COP1: variants seen among roughly 807,000 people sequenced by gnomAD.
COP1 encodes E3 ubiquitin-protein ligase COP1.
A neutral mutation model predicts 101.3 loss-of-function variants in COP1; 24 were observed. That is an observed-to-expected ratio of 0.24 (90% CI 0.17 to 0.33). The LOEUF (loss-of-function observed/expected upper bound fraction) is 0.33, where lower values mean the gene tolerates loss of function less well. COP1 is among the 10% of genes least tolerant of loss of function. The pLI is 1.00. For missense variants in COP1, 663 were observed against 906.2 expected, an observed-to-expected ratio of 0.73 and a Z score of 3.45; for synonymous variants, 347 against 341.9, an observed-to-expected ratio of 1.01 and a Z score of -0.17.
chr1:175,978,195 C>T (rs1655012043), intron 18 of COP1, among the ~76,000 whole-genome samples: 1 of 151,988 alleles, frequency 6.6e-6, no homozygotes, highest in African/African-American at 2.4e-5. Context: ...TTCTATGCTT[C>T]AAGATTGGCA....
chr1:176,164,561 T>C (rs760411477), intron 3 of COP1, among the ~76,000 whole-genome samples: 2 of 152,076 alleles, frequency 1.3e-5, no homozygotes, highest in South Asian at 2.1e-4. Context: ...AAGGAAAGGA[T>C]AGGAGAAAAA....
intron 18 of COP1, among the ~76,000 whole-genome samples, chr1:175,956,315 T>C (rs1650645874): frequency 6.6e-6 from 1 of 152,098 alleles, no homozygotes; most frequent in Non-Finnish European, 1.5e-5. Flanking sequence ...CTAAAACAAC[T>C]GTATATACAG....
chr1:176,084,204 GGCTACTTTCAACTTAACAACTCCCAAAGT>G (rs1679698359), intron 10 of COP1, among the ~76,000 whole-genome samples: 1 of 152,060 alleles, frequency 6.6e-6, no homozygotes, highest in African/African-American at 2.4e-5. Context: ...GCAGGTATTG[GGCTACTTTCAACTTAACAACTCCCAAAGT>G]GCTGGGATTA....
rs199939407 is a variant in COP1, at chr1:175,968,482, T to A, written c.2133+18461A>T. On this transcript the variant is annotated intron_variant, in intron 18 of 19. Coordinates refer to ENST00000367669, the MANE Select transcript of COP1 (RefSeq NM_022457.7). Reference sequence around the variant, plus strand: ...ATATATTTATGTAGGATCGCTGCAATCTGTAGACAAAAGGCATTTTTTCAT... The same window carrying A: ...ATATATTTATGTAGGATCGCTGCAAACTGTAGACAAAAGGCATTTTTTCAT... 712 of 519,132 alleles carry A rather than the reference T, an allele frequency of 1.4e-3. 20 individuals are homozygous for A. Among genetic ancestry groups the A allele is most frequent in the South Asian group, 9.1e-3 (654 of 71,558 alleles). 32.2% of individuals were successfully genotyped at this position (519,132 alleles called of 1,614,324 possible).
chr1:176,053,454 TA>T (rs2149249073), intron 11 of COP1, among the ~76,000 whole-genome samples: 1 of 152,316 alleles, frequency 6.6e-6, no homozygotes, highest in Non-Finnish European at 1.5e-5. Flanking sequence ...GTCATTTTCT[TA>T]AAAATTATTC....
At chr1:176,120,351 C>T (rs1473018547) in intron 8 of COP1, among the ~76,000 whole-genome samples, 5 of 149,406 alleles carry the variant, frequency 3.3e-5, no homozygotes, top group East Asian at 2.0e-4. Flanking sequence ...ACCCAGGAGG[C>T]GGAGGTTGCA....
At chr1:176,019,531 A>T (rs1666335716) in intron 15 of COP1, among the ~76,000 whole-genome samples, 1 of 148,456 alleles carries the variant, frequency 6.7e-6, no homozygotes, top group African/African-American at 2.5e-5. Flanking sequence ...CATCACTACT[A>T]CTACCACCAA....
intron 8 of COP1, among the ~76,000 whole-genome samples, chr1:176,127,825 C>A (rs1474992401): frequency 6.6e-6 from 1 of 151,982 alleles, no homozygotes; most frequent in African/African-American, 2.4e-5. Flanking sequence ...TCCATAATGT[C>A]TTCCAATGTA....
At chr1:176,102,377 T>G (rs1683569467) in intron 9 of COP1, among the ~76,000 whole-genome samples, 1 of 152,166 alleles carries the variant, frequency 6.6e-6, no homozygotes, top group Non-Finnish European at 1.5e-5. Context: ...GGAGAAAGTT[T>G]TGCAACAATA....
At chr1:175,950,564 G>A (rs1649759480) in intron 18 of COP1, among the ~76,000 whole-genome samples, 1 of 152,094 alleles carries the variant, frequency 6.6e-6, no homozygotes, top group Non-Finnish European at 1.5e-5. Context: ...GTCTGCTAGG[G>A]CCTACTATAA....
At position 175,951,207 on chromosome 1, in the gene COP1, C is replaced by T. The variant is rs142887536; in HGVS notation, c.2134-3968G>A. ...GAGGCTATGGTGAGCCAAGATCATG[C>T]CACTGCACTACAGCCTGGCCAACAA... is the stretch of plus-strand genomic sequence containing the variant. On this transcript the variant is annotated intron_variant, in intron 18 of 19. Transcript: ENST00000367669. Among the ~76,000 whole-genome samples the T allele has an allele frequency of 8.4e-3, 1,277 of 151,950 alleles. 14 individuals are homozygous for T. Among genetic ancestry groups the T allele is most frequent in the Non-Finnish European group, 0.016 (1,058 of 67,956 alleles).
At chr1:175,992,400 G>C (rs1658791646) in intron 15 of COP1, among the ~76,000 whole-genome samples, 1 of 152,206 alleles carries the variant, frequency 6.6e-6, no homozygotes, top group Admixed American at 6.5e-5. Context: ...GGGTGCAGGA[G>C]AGTGGGTGCA....
In COP1 at chr1:175,989,445, A is replaced by C; in HGVS notation, c.1764T>G (p.Thr588=). The change falls in exon 16 of 20, where the codon ACT becomes ACG. Residue 588 remains threonine, a synonymous_variant. Transcript: ENST00000367669. ...HCVHYYDLRN[T]KQPIMVFKGH... ...CTTTGAATACCATGATTGGCTGTTT[A>C]GTGTTACGAAGATCATAGTAGTGGA... 2 of 1,604,978 alleles carry C rather than the reference A, an allele frequency of 1.2e-6. No individual in the cohort carries two copies. The highest frequency in any genetic ancestry group is 1.7e-6 in the Non-Finnish European group (2 of 1,171,684).
chr1:176,206,816 C>A lies in COP1; in HGVS notation c.163G>T (p.Ala55Ser). The A allele has an allele frequency of 7.2e-7, 1 of 1,389,946 alleles. No individual in the cohort carries two copies. Among genetic ancestry groups the A allele is most frequent in the Admixed American group, 3.6e-5 (1 of 27,836 alleles). The allele number at this position is 1,389,946 out of a possible 1,614,324, so 86.1% of individuals were successfully genotyped here. ...AALVSGGVAQ[A>S]AGSGGLGGPV... ...CCCCCGAGGCCGCCCGAGCCGGCGG[C>A]CTGGGCCACCCCGCCGGACACCAGC... Residue 55 changes from alanine to serine, a missense_variant, in exon 1 of 20, where the codon GCC becomes TCC. By Grantham distance (99) the Ala-to-Ser change is moderately conservative. Around this residue, in one of 4 missense-constraint regions of COP1, gnomAD observed 204 missense variants for 203.6 expected, o/e 1.00. Transcript: ENST00000367669.
chr1:176,163,116 C>A, intron 4 of COP1, 128 bp from the exon 5 acceptor site: 1 of 863,182 alleles, frequency 1.2e-6, no homozygotes, highest in Non-Finnish European at 1.6e-6. Context: ...TATAATGTTC[C>A]AAACTACCCC....
chr1:176,017,856 C>T (rs928352171), intron 15 of COP1, among the ~76,000 whole-genome samples: 3 of 152,120 alleles, frequency 2.0e-5, no homozygotes, highest in Admixed American at 6.5e-5. Flanking sequence ...ATACTTAAAC[C>T]ATTTTTTACT....
chr1:176,115,342 C>T (rs188214555), intron 9 of COP1, among the ~76,000 whole-genome samples: 136 of 152,150 alleles, frequency 8.9e-4, no homozygotes, highest in African/African-American at 3.0e-3. Context: ...CCCAGCCACT[C>T]GGGAGGCTGA....
chr1:176,005,332 T>A (rs1467472286), intron 15 of COP1, among the ~76,000 whole-genome samples: 1 of 152,188 alleles, frequency 6.6e-6, no homozygotes, highest in Non-Finnish European at 1.5e-5. Flanking sequence ...TTTGTAGGGT[T>A]TTTTGTGTCT....
intron 9 of COP1, among the ~76,000 whole-genome samples, chr1:176,095,964 T>C (rs1682281728): frequency 1.3e-5 from 2 of 152,240 alleles, no homozygotes. Context: ...TATACCTTTT[T>C]ACTATTCTGT....
Sources: gnomAD v4.1 joint callset for allele counts (sites outside exome capture counted in the v4.1 genomes callset) on GRCh38, gnomAD v4.1.1 for gene constraint, gnomAD v4.1.1 regional missense constraint, MANE v1.5 for transcripts, NCBI Gene and HGNC (gene_info 2026-07-23, HGNC 2026-07-21) for gene names.